MPDZ: variants seen among roughly 807,000 people sequenced by gnomAD.
MPDZ encodes the protein multiple PDZ domain crumbs cell polarity complex component, also known as multiple PDZ domain protein.
MPDZ carries 234 observed loss-of-function variants against 239.1 expected under a neutral mutation model. The observed-to-expected ratio is 0.98, with a 90% CI of 0.88 to 1.09. The LOEUF is 1.09. Ranked by LOEUF, MPDZ falls within the 50% of genes least tolerant of loss-of-function variation. MPDZ has a pLI of 0.00. For synonymous variants in MPDZ, 1,048 were observed against 881.3 expected, an observed-to-expected ratio of 1.19 and a Z score of -3.35; for missense variants, 3,175 against 2,510.0, an observed-to-expected ratio of 1.26 and a Z score of -5.66.
intron 26 of MPDZ, among the ~76,000 whole-genome samples, chr9:13,144,982 C>G (rs939288291): frequency 1.3e-5 from 2 of 151,978 alleles, no homozygotes; most frequent in Non-Finnish European, 2.9e-5. Context: ...TTTCAGTGTC[C>G]TGTATAATTC....
At chr9:13,138,237 C>G (rs964749457) in intron 28 of MPDZ, 84 bp from the exon 29 acceptor site, 10 of 1,318,340 alleles carry the variant, frequency 7.6e-6, no homozygotes, top group Non-Finnish European at 1.0e-5. Flanking sequence ...TTAGTTTTAC[C>G]TCAAAAGGAC....
At chr9:13,260,621 A>T (rs551767477) in intron 1 of MPDZ, among the ~76,000 whole-genome samples, 3 of 152,302 alleles carry the variant, frequency 2.0e-5, no homozygotes, top group Admixed American at 6.5e-5. Flanking sequence ...TTAACGTTAA[A>T]TGAGGATATA....
intron 22 of MPDZ, among the ~76,000 whole-genome samples, chr9:13,166,826 T>G (rs1295980941): frequency 6.6e-6 from 1 of 152,176 alleles, no homozygotes; most frequent in Middle Eastern, 3.4e-3. Context: ...AAAAAAGACT[T>G]TGAGCCTGAA....
chr9:13,274,722 A>G (rs1973778319), intron 1 of MPDZ: 1 of 152,154 alleles, frequency 6.6e-6, no homozygotes, highest in Non-Finnish European at 1.5e-5. Flanking sequence ...AGATTATGCC[A>G]TACATTACCC....
chr9:13,258,210 A>G (rs2138534942), intron 1 of MPDZ, among the ~76,000 whole-genome samples: 1 of 152,384 alleles, frequency 6.6e-6, no homozygotes, highest in South Asian at 2.1e-4. Context: ...TTTACGAAGT[A>G]GAGAATCAGC....
chr9:13,278,860 G>A (rs552943630), intron 1 of MPDZ, among the ~76,000 whole-genome samples: 15 of 152,104 alleles, frequency 9.9e-5, no homozygotes, highest in African/African-American at 3.6e-4. Flanking sequence ...CCGGGACCAC[G>A]TAACGGCGGA....
Position 13,147,591 on chromosome 9 carries a change from T to A in MPDZ, c.3698A>T (p.Asn1233Ile). ...QAVEAIRKAGNPVVFMVQSII... is the reference protein window; with the variant it reads ...QAVEAIRKAGIPVVFMVQSII... ...GCTCTGTACCATAAAGACTACAGGG[T>A]TGCCTGCTTTCCGAATGGCTTCCAC... Residue 1233 changes from asparagine (N) to isoleucine (I), a missense_variant, in exon 26 of 47, where the codon AAC becomes ATC. Transcript: ENST00000319217. The A allele has an allele frequency of 2.5e-6, 4 of 1,612,416 alleles. No homozygotes were observed. The highest frequency in any genetic ancestry group is 2.5e-6 in the Non-Finnish European group (3 of 1,178,822).
intron 1 of MPDZ, among the ~76,000 whole-genome samples, chr9:13,251,985 A>T (rs767212838): frequency 1.3e-5 from 2 of 152,288 alleles, no homozygotes; most frequent in African/African-American, 4.8e-5. Flanking sequence ...ACACTTACTC[A>T]TTGGGTATAT....
In MPDZ at chr9:13,136,742, G is replaced by A; in HGVS notation, c.4262C>T (p.Ala1421Val). The change falls in exon 30 of 47, where the codon GCC (alanine) becomes GTC (valine). Residue 1421 changes from alanine (A) to valine (V), a missense_variant. Transcript: ENST00000319217. ...HQNASSIIKC[A>V]PSKVKIIFIR... Reference sequence around the variant, plus strand: ...AAAAATTATTTTCACTTTAGAAGGGGCACATTTAATGATTGATGAGGCATT... The same window carrying A: ...AAAAATTATTTTCACTTTAGAAGGGACACATTTAATGATTGATGAGGCATT... The A allele has an allele frequency of 6.3e-7, 1 of 1,599,062 alleles. No homozygotes were observed. The highest frequency in any genetic ancestry group is 1.3e-5 in the African/African-American group (1 of 74,748).
intron 23 of MPDZ, 34 bp downstream of exon 23, chr9:13,162,657 C>T (rs753913485): frequency 7.1e-7 from 1 of 1,417,112 alleles, no homozygotes; most frequent in Non-Finnish European, 9.9e-7. Context: ...ACTTGCTGTA[C>T]CATTCATTGT....
rs772864342 is a variant in MPDZ at position 13,183,415 on chromosome 9, T to C, written c.2649+3A>G. The stretch of plus-strand genomic sequence containing the variant: ...AAAAGAAAAATTGGCTTTTCCTTTG[T>C]ACCTTAGGAGGAGATGATGGAAGGG... On this transcript the variant is annotated splice_donor_region_variant and intron_variant, in intron 19 of 46. Coordinates refer to ENST00000319217, the MANE Select transcript of MPDZ (RefSeq NM_001378778.1). 3.7e-5 allele frequency: 59 copies of C among 1,597,238 alleles called. No homozygotes were observed. Among genetic ancestry groups the C allele is most frequent in the Middle Eastern group, 1.7e-4 (1 of 6,014 alleles).
At chr9:13,221,993 T>G (rs1438798774) in intron 6 of MPDZ, among the ~76,000 whole-genome samples, 1 of 152,058 alleles carries the variant, frequency 6.6e-6, no homozygotes, top group East Asian at 1.9e-4. Context: ...GGACTACATT[T>G]TTCATTTTTA....
rs1443286367 is a variant in MPDZ at position 13,142,598 on chromosome 9, C to G, written c.3840+868G>C. ...CACACATAAAGCACACTGTAACACA[C>G]CCACATACGAAAATTCCACACTGAC... is the stretch of plus-strand genomic sequence containing the variant. On this transcript the variant is annotated intron_variant, in intron 27 of 46. Coordinates refer to ENST00000319217, the MANE Select transcript of MPDZ (RefSeq NM_001378778.1). 1.3e-5 allele frequency among the ~76,000 whole-genome samples: 2 copies of G among 152,212 alleles called. 1 individual carries two copies. The highest frequency in any genetic ancestry group is 2.9e-5 in the Non-Finnish European group (2 of 67,998).
At chr9:13,141,296 G>A (rs1459876566) in intron 27 of MPDZ, among the ~76,000 whole-genome samples, 3 of 152,066 alleles carry the variant, frequency 2.0e-5, no homozygotes, top group Non-Finnish European at 2.9e-5. Flanking sequence ...TGGAACCTGA[G>A]GCTACAAGAA....
intron 15 of MPDZ, among the ~76,000 whole-genome samples, chr9:13,191,549 C>T (rs1954930958): frequency 6.6e-6 from 1 of 152,126 alleles, no homozygotes; most frequent in African/African-American, 2.4e-5. Context: ...TGACATGTAT[C>T]ATTATGGGCC....
intron 3 of MPDZ, among the ~76,000 whole-genome samples, chr9:13,238,397 C>T (rs566955048): frequency 2.6e-5 from 4 of 152,228 alleles, no homozygotes; most frequent in South Asian, 2.1e-4. Context: ...TCAAACCAAC[C>T]GGAGAGCCCT....
chr9:13,228,236 A>C (rs1199971265), intron 3 of MPDZ, among the ~76,000 whole-genome samples: 1 of 152,156 alleles, frequency 6.6e-6, no homozygotes, highest in Non-Finnish European at 1.5e-5. Context: ...TTCTGGCTGA[A>C]CATTTCAGTC....
rs561619506 is a variant in MPDZ at position 13,195,931 on chromosome 9, T to C, written c.1656+190A>G. On this transcript the variant is annotated intron_variant, in intron 13 of 46. Coordinates refer to ENST00000319217, the MANE Select transcript of MPDZ (RefSeq NM_001378778.1). ...AAAACTTCCATCCCATTTATTTCAG[T>C]TCGTTACTATATACCTTTCTCCAAC... is the stretch of plus-strand genomic sequence containing the variant. Among the ~76,000 whole-genome samples the C allele has an allele frequency of 2.0e-5, 3 of 152,276 alleles. No individual in the cohort carries two copies. The East Asian group carries it at 5.8e-4, about 29-fold the overall frequency.
chr9:13,186,754 C>A (rs940679601), intron 17 of MPDZ, among the ~76,000 whole-genome samples: 1 of 151,284 alleles, frequency 6.6e-6, no homozygotes, highest in Admixed American at 6.6e-5. Flanking sequence ...ACAATGACTT[C>A]CTAATATAGA....
Sources: gnomAD v4.1 joint callset for allele counts (sites outside exome capture counted in the v4.1 genomes callset) on GRCh38, gnomAD v4.1.1 for gene constraint, MANE v1.5 for transcripts, NCBI Gene and HGNC (gene_info 2026-07-23, HGNC 2026-07-21) for gene names.